OPCML: variants seen among roughly 807,000 people sequenced by gnomAD.
OPCML encodes opioid-binding protein/cell adhesion molecule.
A neutral mutation model predicts 37.8 loss-of-function variants in OPCML; 13 were observed. That is an observed-to-expected ratio of 0.34 (90% CI 0.22 to 0.55). The LOEUF (loss-of-function observed/expected upper bound fraction) is 0.55. Ranked by LOEUF, OPCML falls within the 20% of genes least tolerant of loss-of-function variation. The probability of loss-of-function intolerance (pLI) is 0.91; values close to 1 mark genes in which losing one functional copy is unlikely to be tolerated. For missense variants in OPCML, 341 were observed against 435.6 expected (o/e 0.78, Z 1.93); for synonymous variants, 176 against 168.8 (o/e 1.04, Z -0.33).
At chr11:132,639,533 T>C (rs1940720377) in intron 3 of OPCML, among the ~76,000 whole-genome samples, 1 of 152,258 alleles carries the variant, frequency 6.6e-6, no homozygotes, top group Admixed American at 6.5e-5. Context: ...CTCCTTGTGT[T>C]CTATGGAACC....
intron 1 of OPCML, among the ~76,000 whole-genome samples, chr11:133,179,886 G>T (rs1004776610): frequency 2.6e-5 from 4 of 152,154 alleles, no homozygotes; most frequent in African/African-American, 9.7e-5. Context: ...GCGGCCAGTG[G>T]GTAACCATGG....
intron 3 of OPCML, among the ~76,000 whole-genome samples, chr11:132,547,703 T>G (rs778892112): frequency 6.6e-6 from 1 of 152,182 alleles, no homozygotes; most frequent in Non-Finnish European, 1.5e-5. Flanking sequence ...CTCCTAACTT[T>G]TTTGAAGTGG....
At chr11:132,984,677 GAACTCTAACCAAA>G (rs1354760472) in intron 1 of OPCML, among the ~76,000 whole-genome samples, 8 of 152,056 alleles carry the variant, frequency 5.3e-5, no homozygotes, top group Non-Finnish European at 7.4e-5. Context: ...ATCTTTCTTA[GAACTCTAACCAAA>G]GACCACTGAC....
At chr11:133,198,819 G>A (rs919088170) in intron 1 of OPCML, among the ~76,000 whole-genome samples, 1 of 152,224 alleles carries the variant, frequency 6.6e-6, no homozygotes, top group African/African-American at 2.4e-5. Context: ...TGCATGCTGT[G>A]GAGGCGTAGA....
intron 1 of OPCML, among the ~76,000 whole-genome samples, chr11:133,207,192 C>T (rs1565503823): frequency 6.6e-6 from 1 of 151,104 alleles, no homozygotes; most frequent in Admixed American, 6.6e-5. Context: ...CCCAGCTACT[C>T]GGGAGGCTGA....
In OPCML at chr11:133,173,744, G is replaced by C. The variant is rs1047221908; in HGVS notation, c.62-230734C>G. Among the ~76,000 whole-genome samples, 1 of 152,164 alleles carries C rather than the reference G, an allele frequency of 6.6e-6. No individual in the cohort carries two copies. The highest frequency in any genetic ancestry group is 2.4e-5 in the African/African-American group (1 of 41,440). Reference sequence around the variant, plus strand: ...TGGCAGTTTAAGAATCTCTAAGAATGCATAAGTAAAGAAAAAATAGAATTA... The same window carrying C: ...TGGCAGTTTAAGAATCTCTAAGAATCCATAAGTAAAGAAAAAATAGAATTA... On this transcript the variant is annotated intron_variant, in intron 1 of 7. Transcript: ENST00000524381. The surrounding 1 kb of genome is among the most constrained non-coding windows in gnomAD (Gnocchi z 7.8).
At position 132,828,921 on chromosome 11, in the gene OPCML, G is replaced by A. The variant is rs568451460; in HGVS notation, c.146+114005C>T. On this transcript the variant is annotated intron_variant, in intron 2 of 7. Transcript: ENST00000524381. ...AGATGTTGAAGACAGTAGGTGCCTC[G>A]TTTTCTCCACTCAGCAGCCTTGTGA... Among the ~76,000 whole-genome samples, 10 of 152,280 alleles carry A rather than the reference G, an allele frequency of 6.6e-5. No individual in the cohort carries two copies. The South Asian group carries it at 1.5e-3, about 22-fold the overall frequency.
At chr11:133,487,979 C>T (rs1374116546) in intron 1 of OPCML, among the ~76,000 whole-genome samples, 1 of 151,956 alleles carries the variant, frequency 6.6e-6, no homozygotes, top group East Asian at 1.9e-4. Flanking sequence ...ATATACAAAT[C>T]AATAAATGTG....
intron 1 of OPCML, among the ~76,000 whole-genome samples, chr11:133,063,797 G>A (rs1224432396): frequency 3.9e-5 from 6 of 152,082 alleles, no homozygotes; most frequent in Non-Finnish European, 8.8e-5. Context: ...CCTGACCTCA[G>A]GTGATCCACC....
At chr11:133,214,823 A>G (rs1939516136) in intron 1 of OPCML, among the ~76,000 whole-genome samples, 1 of 152,136 alleles carries the variant, frequency 6.6e-6, no homozygotes, top group African/African-American at 2.4e-5. Context: ...GATGTGACCT[A>G]ACTGATTTTC....
At chr11:132,968,578 T>C (rs548375050) in intron 1 of OPCML, among the ~76,000 whole-genome samples, 7 of 152,332 alleles carry the variant, frequency 4.6e-5, no homozygotes, top group African/African-American at 1.4e-4. Context: ...AGTCTATTCA[T>C]GAGAGCAGAG....
At chr11:132,490,729 G>C (rs754610671) in intron 4 of OPCML, among the ~76,000 whole-genome samples, 3 of 151,646 alleles carry the variant, frequency 2.0e-5, no homozygotes, top group East Asian at 3.9e-4. Flanking sequence ...TGGGGCAGGA[G>C]GATGGCGTGA....
chr11:132,831,425 A>T (rs1940679680), intron 2 of OPCML, among the ~76,000 whole-genome samples: 1 of 152,172 alleles, frequency 6.6e-6, no homozygotes, highest in Admixed American at 6.5e-5. Context: ...TAGCTCCATC[A>T]CAGGCGATGA....
intron 4 of OPCML, among the ~76,000 whole-genome samples, chr11:132,479,812 G>A (rs1439658771): frequency 6.6e-6 from 1 of 152,136 alleles, no homozygotes; most frequent in Admixed American, 6.5e-5. Flanking sequence ...GCAGCTGAGG[G>A]TCCTGTTAGA....
chr11:132,627,586 A>C (rs1939825515), intron 3 of OPCML, among the ~76,000 whole-genome samples: 1 of 152,202 alleles, frequency 6.6e-6, no homozygotes, highest in Admixed American at 6.5e-5. Context: ...TGGAGGAGGA[A>C]GTGAACTGTC....
chr11:133,397,882 G>A (rs1945321033), intron 1 of OPCML, among the ~76,000 whole-genome samples: 1 of 152,176 alleles, frequency 6.6e-6, no homozygotes, highest in Non-Finnish European at 1.5e-5. Context: ...AAAAGGTAGA[G>A]GCATTACATT....
chr11:133,476,360 A>T (rs541803883), intron 1 of OPCML, among the ~76,000 whole-genome samples: 1 of 146,250 alleles, frequency 6.8e-6, no homozygotes, highest in Non-Finnish European at 1.5e-5. Flanking sequence ...ACCAAGACAA[A>T]TTCTACATAC....
chr11:132,670,779 T>A (rs546005845), intron 2 of OPCML, among the ~76,000 whole-genome samples: 13 of 152,310 alleles, frequency 8.5e-5, no homozygotes, highest in African/African-American at 2.6e-4. Flanking sequence ...TAGTGAATAG[T>A]CAATAAATGT....
chr11:132,552,738 T>C (rs2096384771), intron 3 of OPCML, among the ~76,000 whole-genome samples: 2 of 148,504 alleles, frequency 1.3e-5, no homozygotes, highest in African/African-American at 2.5e-5. Flanking sequence ...GGACCTTCTC[T>C]AGTCAAACTA....
Sources: gnomAD v4.1 joint callset for allele counts (sites outside exome capture counted in the v4.1 genomes callset) on GRCh38, gnomAD v4.1.1 for gene constraint, Gnocchi (gnomAD v3.1) non-coding constraint, MANE v1.5 for transcripts, NCBI Gene and HGNC (gene_info 2026-07-23, HGNC 2026-07-21) for gene names.